The following RELL1 variants were observed in gnomAD, a reference collection of about 807,000 sequenced individuals.
The protein encoded by RELL1 is RELT-like protein 1.
A neutral mutation model predicts 23.0 loss-of-function variants in RELL1; 10 were observed. The observed-to-expected ratio is 0.43, with a 90% CI of 0.27 to 0.74. RELL1 has a LOEUF of 0.74. RELL1 is among the 30% of genes least tolerant of loss of function. RELL1 has a pLI of 0.19. For synonymous variants in RELL1, 146 were observed against 146.8 expected (o/e 0.99, Z 0.04); for missense variants, 315 against 364.4 (o/e 0.86, Z 1.10).
At chr4:37,631,551 G>T (rs761117040) in intron 5 of RELL1, 28 bp from the exon 6 acceptor site, 17 of 1,605,794 alleles carry the variant, frequency 1.1e-5, no homozygotes, top group Non-Finnish European at 1.4e-5. Context: ...AGAGGTGATG[G>T]GGTTTGCTTT....
At chr4:37,641,875 G>C (rs1015111491) in intron 3 of RELL1, among the ~76,000 whole-genome samples, 3 of 152,114 alleles carry the variant, frequency 2.0e-5, no homozygotes, top group African/African-American at 7.2e-5. Flanking sequence ...CCGATCTTAC[G>C]TGTTGGACTT....
intron 1 of RELL1, among the ~76,000 whole-genome samples, chr4:37,664,552 C>T (rs886890790): frequency 1.4e-4 from 22 of 151,866 alleles, no homozygotes; most frequent in Admixed American, 2.6e-4. Context: ...TTTGTACTAG[C>T]AATGTTAATT....
rs769768039 is a variant in RELL1 at position 37,613,088 on chromosome 4, G to T, written c.*258C>A. On this transcript the variant is annotated 3_prime_UTR_variant, in exon 7 of 7. Coordinates refer to ENST00000454158, the MANE Select transcript of RELL1 (RefSeq NM_001085400.2). ...TAGGGGCTGGGAAGAGTAGAGGCTGGGAGTGGTTAAGAAGATAAAAACAGC... is the reference window on the plus strand; with the variant it reads ...TAGGGGCTGGGAAGAGTAGAGGCTGTGAGTGGTTAAGAAGATAAAAACAGC... 6.6e-6 allele frequency: 1 copy of T among 152,160 alleles called. No individual in the cohort carries two copies. The highest frequency in any genetic ancestry group is 2.4e-5 in the African/African-American group (1 of 41,398). The allele number at this position is 152,160 out of a possible 1,614,324, so 9.4% of individuals were successfully genotyped here.
chr4:37,590,079 T>G (rs1718520534), downstream of RELL1: 1 of 1,603,364 alleles, frequency 6.2e-7, no homozygotes, highest in Non-Finnish European at 8.5e-7. Context: ...TTCATTGTCT[T>G]TCCTGAAGCT....
chr4:37,634,619 T>C (rs1488792199), intron 5 of RELL1, among the ~76,000 whole-genome samples: 1 of 152,196 alleles, frequency 6.6e-6, no homozygotes, highest in Non-Finnish European at 1.5e-5. Flanking sequence ...GTCTATTCTG[T>C]ATACAGTTGA....
exon 7 of RELL1, chr4:37,591,049 A>G (rs576754765): frequency 6.0e-6 from 9 of 1,506,244 alleles, no homozygotes; most frequent in Non-Finnish European, 8.1e-6. Flanking sequence ...CTGAGCATGC[A>G]GATGCATTTG....
At chr4:37,598,096 ACTC>A (rs1424767806) in intron 6 of RELL1, among the ~76,000 whole-genome samples, 2 of 36,822 alleles carry the variant, frequency 5.4e-5, no homozygotes, top group Non-Finnish European at 1.5e-4. Context: ...TATATATATA[ACTC>A]CTCCTATAGC....
intron 1 of RELL1, among the ~76,000 whole-genome samples, chr4:37,684,009 A>G (rs1369597291): frequency 1.3e-5 from 2 of 151,708 alleles, no homozygotes; most frequent in African/African-American, 2.4e-5. Flanking sequence ...TGAACCCGGG[A>G]GGCGGAGCTT....
rs1233471331 is a variant in RELL1 at position 37,612,321 on chromosome 4, TTAAA to T, written c.*1021_*1024del. Among the ~76,000 whole-genome samples the T allele has an allele frequency of 4.3e-5, 1 of 23,282 alleles. No homozygotes were observed. The highest frequency in any genetic ancestry group is 1.1e-4 in the African/African-American group (1 of 8,776). The allele number at this position is 23,282 out of a possible 152,430, so 15.3% of individuals were successfully genotyped here. A position where few individuals can be genotyped will look rare whatever the true frequency, so the allele number is the denominator to read the frequency against. On this transcript the variant is annotated 3_prime_UTR_variant, in exon 7 of 7. Transcript: ENST00000454158. Reference sequence around the variant, plus strand: ...TAACCAAGAATCGCTCAGCTAAAGGTTAAAAAAAAAAAAAAAACAAAAAAAAACA... The same window carrying T: ...TAACCAAGAATCGCTCAGCTAAAGGTAAAAAAAAAAAAACAAAAAAAAACA...
intron 5 of RELL1, 39 bp downstream of exon 5, chr4:37,634,848 A>G: frequency 1.3e-6 from 2 of 1,543,954 alleles, no homozygotes; most frequent in Non-Finnish European, 1.8e-6. Flanking sequence ...CAGAGCACCC[A>G]TGTCACACAC....
chr4:37,604,888 G>A (rs796894476), intron 6 of RELL1, among the ~76,000 whole-genome samples: 1 of 63,456 alleles, frequency 1.6e-5, no homozygotes, highest in African/African-American at 7.6e-5. Flanking sequence ...CATACACACA[G>A]ACACACACAC....
chr4:37,649,895 T>C (rs1720845943), intron 1 of RELL1, among the ~76,000 whole-genome samples: 1 of 152,138 alleles, frequency 6.6e-6, no homozygotes, highest in South Asian at 2.1e-4. Context: ...AAACACTACA[T>C]TACATTATAG....
At chr4:37,683,896 A>G (rs1020350299) in intron 1 of RELL1, among the ~76,000 whole-genome samples, 9 of 151,588 alleles carry the variant, frequency 5.9e-5, no homozygotes, top group African/African-American at 2.2e-4. Flanking sequence ...CCTGGCTAAC[A>G]CGGTGAAACC....
intron 6 of RELL1, among the ~76,000 whole-genome samples, chr4:37,596,386 G>A (rs1003754223): frequency 6.6e-6 from 1 of 151,930 alleles, no homozygotes; most frequent in Non-Finnish European, 1.5e-5. Context: ...CATCTACATC[G>A]TTTTTGTAAG....
intron 1 of RELL1, among the ~76,000 whole-genome samples, chr4:37,672,443 C>T (rs1211541461): frequency 1.3e-5 from 2 of 152,204 alleles, no homozygotes; most frequent in African/African-American, 4.8e-5. Flanking sequence ...TATTACACCA[C>T]ATTGACTCAA....
At chr4:37,683,820 G>A (rs535016633) in intron 1 of RELL1, among the ~76,000 whole-genome samples, 4 of 151,320 alleles carry the variant, frequency 2.6e-5, no homozygotes, top group African/African-American at 7.3e-5. Context: ...GGTGGCTCAC[G>A]CCTGTAATCC....
At chr4:37,597,404 A>G (rs903595232) in intron 6 of RELL1, among the ~76,000 whole-genome samples, 1 of 152,228 alleles carries the variant, frequency 6.6e-6, no homozygotes, top group Non-Finnish European at 1.5e-5. Context: ...TTGAAAGCAC[A>G]ACAATGCAAT....
chr4:37,621,615 C>A (rs1719770116), intron 6 of RELL1, among the ~76,000 whole-genome samples: 1 of 152,146 alleles, frequency 6.6e-6, no homozygotes, highest in Non-Finnish European at 1.5e-5. Flanking sequence ...TGTCTTTAGG[C>A]CCTCCAAAGT....
At chr4:37,654,548 A>G (rs756995346) in intron 1 of RELL1, among the ~76,000 whole-genome samples, 25 of 152,220 alleles carry the variant, frequency 1.6e-4, no homozygotes, top group Admixed American at 3.3e-4. Context: ...ATTTACACTA[A>G]TAATTTGCTG....
Sources: gnomAD v4.1 joint callset for allele counts (sites outside exome capture counted in the v4.1 genomes callset) on GRCh38, gnomAD v4.1.1 for gene constraint, MANE v1.5 for transcripts, NCBI Gene and HGNC (gene_info 2026-07-23, HGNC 2026-07-21) for gene names.